Variants in UBE3D observed in about 807,000 individuals in gnomAD.
UBE3D encodes ubiquitin protein ligase E3D, also known as E3 ubiquitin-protein ligase E3D.
Under a neutral mutation model 49.6 loss-of-function variants are expected in UBE3D, and 48 were observed. That is an observed-to-expected ratio of 0.97 (90% CI 0.77 to 1.23). The LOEUF is 1.23. UBE3D is among the 50% of genes most tolerant of loss of function. The pLI, the probability that UBE3D is intolerant of heterozygous loss-of-function variation, is 0.00. For synonymous variants in UBE3D, 189 were observed against 174.2 expected (o/e 1.08, Z -0.67); for missense variants, 452 against 468.4 (o/e 0.96, Z 0.32).
Position 83,021,952 on chromosome 6 carries a change from G to A in UBE3D, c.846+501C>T, listed in dbSNP as rs185972656. 2.7e-3 allele frequency among the ~76,000 whole-genome samples: 415 copies of A among 152,024 alleles called. 1 individual carries two copies. The highest frequency in any genetic ancestry group is 9.1e-3 in the African/African-American group (377 of 41,484). ...GGAATCAGGATTTTTCTCTGTATCC[G>A]TAGTACCTAGTACATAGAGGCACTT... On this transcript the variant is annotated intron_variant, in intron 7 of 9. Transcript: ENST00000369747.
At chr6:82,916,218 T>C (rs1772905517) in intron 9 of UBE3D, among the ~76,000 whole-genome samples, 1 of 152,202 alleles carries the variant, frequency 6.6e-6, no homozygotes, top group Non-Finnish European at 1.5e-5. Flanking sequence ...ACCTGTCCAA[T>C]TTCTAGGCCC....
intron 5 of UBE3D, among the ~76,000 whole-genome samples, chr6:83,030,399 TAA>T (rs931240342): frequency 2.6e-5 from 4 of 152,164 alleles, no homozygotes; most frequent in Non-Finnish European, 5.9e-5. Flanking sequence ...GATGGTTTTA[TAA>T]AAGACAGTTC....
At chr6:83,027,862 T>A (rs1053239942) in intron 5 of UBE3D, among the ~76,000 whole-genome samples, 12 of 152,222 alleles carry the variant, frequency 7.9e-5, no homozygotes, top group African/African-American at 2.9e-4. Flanking sequence ...ATATTGCCCA[T>A]GCTCCATTCT....
At chr6:82,918,854 C>T (rs146081607) in intron 9 of UBE3D, among the ~76,000 whole-genome samples, 1,575 of 152,020 alleles carry the variant, frequency 0.01, 13 homozygotes, top group Admixed American at 0.018. Flanking sequence ...TCTTTACCTG[C>T]ACGTAGTTAC....
chr6:82,980,728 T>G (rs1778058087), intron 8 of UBE3D, among the ~76,000 whole-genome samples: 1 of 152,148 alleles, frequency 6.6e-6, no homozygotes. Context: ...AAGTCTTTAA[T>G]CTGTCTTGAT....
intron 9 of UBE3D, chr6:82,938,177 C>T (rs1774733590): frequency 6.6e-6 from 1 of 152,218 alleles, no homozygotes; most frequent in Non-Finnish European, 1.5e-5. Context: ...TGTGCCTCTA[C>T]TTTAAACGAA....
intron 3 of UBE3D, among the ~76,000 whole-genome samples, chr6:83,052,433 G>A (rs1385463113): frequency 1.3e-5 from 2 of 152,102 alleles, no homozygotes; most frequent in African/African-American, 2.4e-5. Context: ...ACCAACCCAG[G>A]GTTGAGAGAA....
At position 83,065,741 on chromosome 6, in the gene UBE3D, G is replaced by T. The variant is rs749672104; in HGVS notation, c.-23C>A. On this transcript the variant is annotated 5_prime_UTR_variant, in exon 1 of 10. Transcript: ENST00000369747. The stretch of plus-strand genomic sequence containing the variant: ...CATGGCAGGCTTCCAGTCCCAGACC[G>T]GACCAAGCTGGAGGTTCCGAGGGGC... 1 of 1,599,726 alleles carries T rather than the reference G, an allele frequency of 6.3e-7. No individual in the cohort carries two copies. The highest frequency in any genetic ancestry group is 8.5e-7 in the Non-Finnish European group (1 of 1,173,350).
At chr6:82,935,444 T>C (rs73749469) in intron 9 of UBE3D, among the ~76,000 whole-genome samples, 77 of 151,982 alleles carry the variant, frequency 5.1e-4, no homozygotes, top group Middle Eastern at 3.4e-3. Flanking sequence ...TCAAACTACA[T>C]CACCAATATA....
chr6:82,907,337 A>C (rs1224039793), intron 9 of UBE3D, among the ~76,000 whole-genome samples: 1 of 152,218 alleles, frequency 6.6e-6, no homozygotes, highest in Non-Finnish European at 1.5e-5. Flanking sequence ...ACCTCTAAGG[A>C]AAATACTCTC....
intron 8 of UBE3D, among the ~76,000 whole-genome samples, chr6:82,966,996 A>AT (rs1258465226): frequency 1.8e-4 from 27 of 152,138 alleles, no homozygotes; most frequent in African/African-American, 5.5e-4. Flanking sequence ...CCTTAAAAAT[A>AT]TTTTTTTCAT....
intron 9 of UBE3D, among the ~76,000 whole-genome samples, chr6:82,956,207 T>C (rs1041822614): frequency 1.5e-4 from 23 of 152,190 alleles, no homozygotes; most frequent in Non-Finnish European, 2.6e-4. Flanking sequence ...CCTTCAGAAG[T>C]AGAAACAACC....
intron 9 of UBE3D, among the ~76,000 whole-genome samples, chr6:82,942,323 G>T (rs1358768064): frequency 6.6e-6 from 1 of 152,162 alleles, no homozygotes; most frequent in Non-Finnish European, 1.5e-5. Context: ...GGGAAGCAGA[G>T]CATAAAAGAT....
intron 8 of UBE3D, among the ~76,000 whole-genome samples, chr6:83,015,497 A>G (rs1780634308): frequency 6.6e-6 from 1 of 152,220 alleles, no homozygotes; most frequent in Admixed American, 6.5e-5. Context: ...CCAAATCAAT[A>G]AATTCAGGCT....
At chr6:82,959,008 A>T (rs1370723718) in intron 8 of UBE3D, among the ~76,000 whole-genome samples, 1 of 152,020 alleles carries the variant, frequency 6.6e-6, no homozygotes, top group Non-Finnish European at 1.5e-5. Context: ...GATAAGGTAA[A>T]TATGTTTATT....
intron 9 of UBE3D, among the ~76,000 whole-genome samples, chr6:82,910,879 TAAC>T (rs1175128637): frequency 6.6e-6 from 1 of 152,160 alleles, no homozygotes; most frequent in Non-Finnish European, 1.5e-5. Flanking sequence ...GTTGGGATCT[TAAC>T]AATCACTGTG....
rs142269329 is a variant in UBE3D, at chr6:82,954,321, G to T, written c.1149+2991C>A. Among the ~76,000 whole-genome samples the T allele has an allele frequency of 6.8e-4, 104 of 152,270 alleles. 1 individual carries two copies. Among genetic ancestry groups the T allele is most frequent in the African/African-American group, 2.1e-3 (89 of 41,542 alleles). The stretch of plus-strand genomic sequence containing the variant: ...TTGGCTTATAATTGCATTAGAAATA[G>T]TAAGGTACTATAACAGAGTGGAAGC... On this transcript the variant is annotated intron_variant, in intron 9 of 9. Coordinates refer to ENST00000369747, the MANE Select transcript of UBE3D (RefSeq NM_198920.3).
chr6:83,026,404 C>T (rs751983598), intron 5 of UBE3D, among the ~76,000 whole-genome samples: 3 of 152,000 alleles, frequency 2.0e-5, no homozygotes, highest in East Asian at 3.9e-4. Context: ...TGAACTACTG[C>T]GCTCCAGCCT....
At chr6:82,963,095 G>C (rs1776667068) in intron 8 of UBE3D, among the ~76,000 whole-genome samples, 1 of 150,698 alleles carries the variant, frequency 6.6e-6, no homozygotes, top group African/African-American at 2.4e-5. Context: ...TCATACATAT[G>C]AACAAAGAAA....
Sources: gnomAD v4.1 joint callset for allele counts (sites outside exome capture counted in the v4.1 genomes callset) on GRCh38, gnomAD v4.1.1 for gene constraint, MANE v1.5 for transcripts, NCBI Gene and HGNC (gene_info 2026-07-23, HGNC 2026-07-21) for gene names.